Variants in CNTNAP2 observed in about 807,000 individuals in gnomAD.
The protein encoded by CNTNAP2 is contactin associated protein 2.
Under a neutral mutation model 155.2 loss-of-function variants are expected in CNTNAP2, and 98 were observed. The ratio of observed to expected loss-of-function variants is 0.63; its 90% CI spans 0.54 to 0.75. The LOEUF is 0.75. Ranked by LOEUF, CNTNAP2 falls within the 30% of genes least tolerant of loss-of-function variation. The pLI is 0.00. For missense variants in CNTNAP2, 1,727 were observed against 1,688.1 expected (o/e 1.02, Z -0.40); for synonymous variants, 651 against 631.2 (o/e 1.03, Z -0.47).
At chr7:146,784,171 G>C (rs1802535336) in intron 2 of CNTNAP2, among the ~76,000 whole-genome samples, 1 of 152,090 alleles carries the variant, frequency 6.6e-6, no homozygotes, top group Non-Finnish European at 1.5e-5. Flanking sequence ...ATTATTTTTA[G>C]GAAGTTACTA....
chr7:146,185,222 A>G (rs899022419), intron 1 of CNTNAP2, among the ~76,000 whole-genome samples: 14 of 152,306 alleles, frequency 9.2e-5, no homozygotes, highest in Middle Eastern at 3.4e-3. Context: ...AAAGAAGATT[A>G]AAAAACACAA....
intron 8 of CNTNAP2, among the ~76,000 whole-genome samples, chr7:147,133,711 G>A (rs978839564): frequency 6.6e-6 from 1 of 151,922 alleles, no homozygotes; most frequent in African/African-American, 2.4e-5. Context: ...TGTAAAATAG[G>A]CTTTATGTTT....
At chr7:146,270,636 T>G (rs1380200665) in intron 1 of CNTNAP2, among the ~76,000 whole-genome samples, 1 of 152,190 alleles carries the variant, frequency 6.6e-6, no homozygotes, top group Non-Finnish European at 1.5e-5. Context: ...AATATTATAT[T>G]CTTTGAATAG....
At chr7:146,213,084 GTTGA>G (rs1423204710) in intron 1 of CNTNAP2, among the ~76,000 whole-genome samples, 1 of 152,168 alleles carries the variant, frequency 6.6e-6, no homozygotes, top group Non-Finnish European at 1.5e-5. Context: ...CTGGGGAGTA[GTTGA>G]TTAATTTTTA....
At chr7:147,636,170 A>T (rs772512533) in intron 12 of CNTNAP2, among the ~76,000 whole-genome samples, 4 of 152,182 alleles carry the variant, frequency 2.6e-5, no homozygotes, top group Non-Finnish European at 4.4e-5. Flanking sequence ...GTAAAACTGG[A>T]ATATATTTAT....
chr7:146,664,260 C>G (rs1442192452), intron 1 of CNTNAP2, among the ~76,000 whole-genome samples: 2 of 143,100 alleles, frequency 1.4e-5, no homozygotes, highest in Non-Finnish European at 3.0e-5. Context: ...CTCCGGAGTT[C>G]AAGTGATTCT....
chr7:147,750,172 C>T (rs1047660523), intron 13 of CNTNAP2, among the ~76,000 whole-genome samples: 18 of 152,200 alleles, frequency 1.2e-4, no homozygotes, highest in Non-Finnish European at 1.8e-4. Context: ...GACTGAGTTC[C>T]GTAAAATTTA....
At chr7:148,282,515 A>G (rs1796991784) in intron 21 of CNTNAP2, among the ~76,000 whole-genome samples, 2 of 152,238 alleles carry the variant, frequency 1.3e-5, no homozygotes, top group Admixed American at 1.3e-4. Context: ...AGGGCTTATC[A>G]CACAGCCTGG....
intron 1 of CNTNAP2, among the ~76,000 whole-genome samples, chr7:146,631,471 G>A (rs555761461): frequency 3.9e-5 from 6 of 152,184 alleles, no homozygotes; most frequent in South Asian, 2.1e-4. Flanking sequence ...CAAGGCTTTC[G>A]GTTCTGTCCC....
chr7:147,768,735 AC>A (rs1336136960), intron 13 of CNTNAP2, among the ~76,000 whole-genome samples: 2 of 152,084 alleles, frequency 1.3e-5, no homozygotes, highest in African/African-American at 4.8e-5. Context: ...CATTAATGAT[AC>A]CTTTTGAAGG....
intron 1 of CNTNAP2, among the ~76,000 whole-genome samples, chr7:146,699,317 G>GT (rs1322300213): frequency 6.6e-6 from 1 of 152,156 alleles, no homozygotes; most frequent in Non-Finnish European, 1.5e-5. Flanking sequence ...TGTCTCCCCT[G>GT]TTGTTATTGG....
chr7:146,476,825 G>A (rs1368921261), intron 1 of CNTNAP2, among the ~76,000 whole-genome samples: 2 of 152,110 alleles, frequency 1.3e-5, no homozygotes, highest in Non-Finnish European at 2.9e-5. Context: ...GAAATTACTT[G>A]GCGAGTAGGG....
At chr7:146,576,099 C>T (rs571062553) in intron 1 of CNTNAP2, among the ~76,000 whole-genome samples, 4 of 152,276 alleles carry the variant, frequency 2.6e-5, no homozygotes, top group East Asian at 1.9e-4. Context: ...GAACTGTATA[C>T]TGTCACTGAA....
intron 1 of CNTNAP2, among the ~76,000 whole-genome samples, chr7:146,350,739 T>C (rs1584883018): frequency 6.6e-6 from 1 of 152,054 alleles, no homozygotes; most frequent in East Asian, 1.9e-4. Flanking sequence ...CGTATGTTTA[T>C]TGCGGCACTA....
intron 14 of CNTNAP2, among the ~76,000 whole-genome samples, chr7:147,970,780 G>C (rs989226954): frequency 6.6e-6 from 1 of 152,190 alleles, no homozygotes; most frequent in Admixed American, 6.5e-5. Context: ...AACCAAGAAT[G>C]TTTGATTGTC....
chr7:146,503,208 A>AT lies in CNTNAP2; in HGVS notation c.98-271056dup, dbSNP rs201967769. ...TTTTTATTTGATCCAATAACATGTA[A>AT]TTTTTTTGTTTGTTTCTTTTTGCTT... On this transcript the variant is annotated intron_variant, in intron 1 of 23. Transcript: ENST00000361727. Among the ~76,000 whole-genome samples, 315 of 152,042 alleles carry AT rather than the reference A, an allele frequency of 2.1e-3. 2 individuals carry two copies. The highest frequency in any genetic ancestry group is 7.0e-3 in the African/African-American group (290 of 41,484).
At chr7:147,572,703 C>CACAA (rs1282820644) in intron 12 of CNTNAP2, among the ~76,000 whole-genome samples, 2 of 2,406 alleles carry the variant, frequency 8.3e-4, no homozygotes, top group Non-Finnish European at 2.4e-3. Context: ...GGATGGGAAA[C>CACAA]ACACACACAC....
intron 13 of CNTNAP2, among the ~76,000 whole-genome samples, chr7:147,856,623 GT>G (rs1799044349): frequency 7.7e-6 from 1 of 130,022 alleles, no homozygotes; most frequent in Non-Finnish European, 1.7e-5. Context: ...GTTAGAATTA[GT>G]TTGGCTTTTT....
At chr7:146,620,786 T>C (rs1040320496) in intron 1 of CNTNAP2, among the ~76,000 whole-genome samples, 16 of 152,166 alleles carry the variant, frequency 1.1e-4, no homozygotes, top group African/African-American at 3.9e-4. Context: ...ATTAATGTTG[T>C]TGCTATGTGT....
Sources: allele counts gnomAD v4.1 joint callset (sites outside exome capture counted in the v4.1 genomes callset), GRCh38; gene constraint gnomAD v4.1.1; transcripts MANE v1.5; gene names NCBI Gene and HGNC (gene_info 2026-07-23, HGNC 2026-07-21).